Variants in CRTC3 observed in about 807,000 individuals in gnomAD.
The protein encoded by CRTC3 is CREB regulated transcription coactivator 3.
In CRTC3, 26 loss-of-function variants were observed where a neutral mutation model predicts 74.5. That is an observed-to-expected ratio of 0.35 (90% confidence interval 0.26 to 0.48). CRTC3 has a LOEUF of 0.48. CRTC3 is among the 20% of genes least tolerant of loss of function. CRTC3 has a pLI of 0.99. For missense variants in CRTC3, 760 were observed against 787.3 expected, an observed-to-expected ratio of 0.97 and a Z score of 0.41; for synonymous variants, 377 against 325.8, an observed-to-expected ratio of 1.16 and a Z score of -1.69.
At position 90,636,076 on chromosome 15, in the gene CRTC3, C is replaced by T. The variant is rs1164032241; in HGVS notation, c.1267-2370C>T. 2.2e-5 allele frequency among the ~76,000 whole-genome samples: 3 copies of T among 133,786 alleles called. No individual in the cohort carries two copies. In the Admixed American group the frequency reaches 2.3e-4, roughly 10 times the overall value. 87.8% of individuals were successfully genotyped at this position (133,786 alleles called of 152,430 possible). A position where few individuals can be genotyped will look rare whatever the true frequency, so the allele number is the denominator to read the frequency against. On this transcript the variant is annotated intron_variant, in intron 11 of 14. Transcript: ENST00000268184. Reference sequence around the variant, plus strand: ...AACTACTTTAAAGTTCATATGGAACCGAAAAAGAGCCCACATTGCCAAGTC... The same window carrying T: ...AACTACTTTAAAGTTCATATGGAACTGAAAAAGAGCCCACATTGCCAAGTC...
intron 5 of CRTC3, among the ~76,000 whole-genome samples, chr15:90,605,335 C>G (rs903136324): frequency 7.9e-5 from 12 of 152,166 alleles, no homozygotes; most frequent in African/African-American, 2.9e-4. Flanking sequence ...TGGTGCCCAT[C>G]CTCAGCTTCA....
chr15:90,602,172 A>T (rs1458497101), intron 3 of CRTC3, 152 bp from the exon 4 acceptor site: 1 of 619,428 alleles, frequency 1.6e-6, no homozygotes. Flanking sequence ...CTTGTCCTCA[A>T]GGAGGGAGAT....
chr15:90,643,681 CT>C lies in CRTC3; in HGVS notation c.*1543del, dbSNP rs1969529408. ...TTCCACCACCGCCTGCCTCCTCTAA[CT>C]TGGGTGATGCCAGTAGGTTTGAAGG... On this transcript the variant is annotated 3_prime_UTR_variant, in exon 15 of 15. Coordinates refer to ENST00000268184, the MANE Select transcript of CRTC3 (RefSeq NM_022769.5). 4.3e-6 allele frequency: 1 copy of C among 230,236 alleles called. No individual in the cohort carries two copies. The highest frequency in any genetic ancestry group is 2.3e-5 in the African/African-American group (1 of 43,636). The allele number at this position is 230,236 out of a possible 1,614,324, so 14.3% of individuals were successfully genotyped here. A position where few individuals can be genotyped will look rare whatever the true frequency, so the allele number is the denominator to read the frequency against.
rs559090116 is a variant in CRTC3 at position 90,533,296 on chromosome 15, C to CGGGAGGCTGCGGCAGGA, written c.132+3112_132+3128dup. Among the ~76,000 whole-genome samples the CGGGAGGCTGCGGCAGGA allele has an allele frequency of 4.0e-3, 610 of 150,932 alleles. 2 individuals are homozygous for CGGGAGGCTGCGGCAGGA. The highest frequency in any genetic ancestry group is 0.014 in the African/African-American group (570 of 41,050). ...GCGGGCGCCTGTAGTCCCAGCTACT[C>CGGGAGGCTGCGGCAGGA]GGGAGGCTGCGGCAGGAGGGAGGCT... On this transcript the variant is annotated intron_variant, in intron 1 of 14. Transcript: ENST00000268184.
At chr15:90,605,645 G>A (rs1968197949) in intron 5 of CRTC3, among the ~76,000 whole-genome samples, 1 of 152,134 alleles carries the variant, frequency 6.6e-6, no homozygotes, top group African/African-American at 2.4e-5. Flanking sequence ...AGGTCTCTCT[G>A]ATCTCAGCGG....
chr15:90,603,312 A>T (rs6496708), intron 4 of CRTC3, among the ~76,000 whole-genome samples: 1 of 147,320 alleles, frequency 6.8e-6, no homozygotes, highest in African/African-American at 2.5e-5. Flanking sequence ...GCGTGGTGGC[A>T]GGCGCCTGTA....
chr15:90,641,193 C>T lies in CRTC3; in HGVS notation c.1645C>T (p.Leu549=), dbSNP rs144135182. 5 of 1,609,202 alleles carry T rather than the reference C, an allele frequency of 3.1e-6. No homozygotes were observed. The East Asian group carries it at 6.7e-5, about 22-fold the overall frequency. Residue 549 remains leucine, a synonymous_variant, in exon 14 of 15, where the codon CTG becomes TTG. Transcript: ENST00000268184. The stretch of plus-strand genomic sequence containing the variant: ...CTGCGGGAGTCTCCCGAACACCATC[C>T]TGCCAGGTGAGCGAGCTATCCCTCA... ...SNCGSLPNTI[L]PEDSSTSLFK... is the part of the protein sequence containing the mutation.
intron 5 of CRTC3, among the ~76,000 whole-genome samples, 170 bp from the exon 6 acceptor site, chr15:90,607,208 G>T (rs994439224): frequency 6.6e-6 from 1 of 152,184 alleles, no homozygotes; most frequent in African/African-American, 2.4e-5. Context: ...GATCCTCAGA[G>T]GCTGTTAATT....
At position 90,612,073 on chromosome 15, in the gene CRTC3, T is replaced by TCCTCCTCCG. The variant is rs1252006809; in HGVS notation, c.578-2371_578-2363dup. Reference sequence around the variant, plus strand: ...CTCCTCCTCCGCCTCCACCTCCTCCTCCTCCTCCGCCTCCTCCTCCGCCTC... The same window carrying TCCTCCTCCG: ...CTCCTCCTCCGCCTCCACCTCCTCCTCCTCCTCCGCCTCCTCCGCCTCCTCCTCCGCCTC... On this transcript the variant is annotated intron_variant, in intron 6 of 14. Transcript: ENST00000268184. Among the ~76,000 whole-genome samples the TCCTCCTCCG allele has an allele frequency of 8.8e-5, 7 of 79,290 alleles. No individual in the cohort carries two copies. The Admixed American group carries it at 1.1e-3, about 13-fold the overall frequency. The allele number at this position is 79,290 out of a possible 152,430, so 52.0% of individuals were successfully genotyped here. A position where few individuals can be genotyped will look rare whatever the true frequency, so the allele number is the denominator to read the frequency against.
intron 6 of CRTC3, among the ~76,000 whole-genome samples, chr15:90,608,783 A>G (rs940207655): frequency 2.0e-5 from 3 of 152,170 alleles, no homozygotes; most frequent in African/African-American, 7.2e-5. Flanking sequence ...TGTGCACGGC[A>G]TTTGCCAAAA....
At position 90,645,208 on chromosome 15, in the gene CRTC3, G is replaced by C. The variant is rs1437046850; in HGVS notation, c.*3068G>C. 9 of 229,430 alleles carry C rather than the reference G, an allele frequency of 3.9e-5. No individual in the cohort carries two copies. The East Asian group carries it at 5.6e-4, about 14-fold the overall frequency. The allele number at this position is 229,430 out of a possible 1,614,324, so 14.2% of individuals were successfully genotyped here. A position where few individuals can be genotyped will look rare whatever the true frequency, so the allele number is the denominator to read the frequency against. On this transcript the variant is annotated 3_prime_UTR_variant, in exon 15 of 15. Transcript: ENST00000268184. ...ATCCCAGCAACTAATCAGACTTCCT[G>C]CCAGTGTCCTAACCCCCAGGGCACC...
intron 9 of CRTC3, 197 bp downstream of exon 9, chr15:90,619,987 TATA>T: frequency 1.8e-6 from 1 of 569,460 alleles, no homozygotes; most frequent in South Asian, 2.3e-5. Flanking sequence ...ATTACATGAC[TATA>T]ATAACAAACA....
intron 2 of CRTC3, among the ~76,000 whole-genome samples, chr15:90,578,958 G>A (rs1400754825): frequency 6.6e-6 from 1 of 152,128 alleles, no homozygotes; most frequent in Admixed American, 6.5e-5. Context: ...CTTGCTGTGT[G>A]CCTGTGAGGT....
chr15:90,533,422 GAA>G (rs11370876), intron 1 of CRTC3, among the ~76,000 whole-genome samples: 14 of 138,852 alleles, frequency 1.0e-4, no homozygotes, highest in South Asian at 2.3e-4. Flanking sequence ...CTCCGCCTAG[GAA>G]AAAAAAAAAA....
intron 2 of CRTC3, among the ~76,000 whole-genome samples, chr15:90,587,131 C>T (rs566915424): frequency 2.0e-5 from 3 of 152,234 alleles, no homozygotes; most frequent in South Asian, 2.1e-4. Context: ...GAAGTAATTT[C>T]CCCCCTAGGT....
chr15:90,613,268 C>T (rs952307230), intron 6 of CRTC3, among the ~76,000 whole-genome samples: 1 of 151,902 alleles, frequency 6.6e-6, no homozygotes, highest in African/African-American at 2.4e-5. Flanking sequence ...GGGTTGGGCC[C>T]AAGAATCTGC....
In CRTC3 at chr15:90,555,594, C is replaced by T. The variant is rs568976305; in HGVS notation, c.231+15457C>T. Among the ~76,000 whole-genome samples, 5 of 152,096 alleles carry T rather than the reference C, an allele frequency of 3.3e-5. No homozygotes were observed. The South Asian group carries it at 6.2e-4, about 19-fold the overall frequency. ...GTGCAGTGGCATGATCTTGGCTAAC[C>T]GCAACCTCTGCCTCCCAAGTTCAAG... On this transcript the variant is annotated intron_variant, in intron 2 of 14. Transcript: ENST00000268184.
At chr15:90,622,544 T>G (rs1445179059) in intron 9 of CRTC3, among the ~76,000 whole-genome samples, 1 of 152,184 alleles carries the variant, frequency 6.6e-6, no homozygotes, top group Admixed American at 6.5e-5. Context: ...AGTTCCATAC[T>G]TCCAGCCATC....
intron 2 of CRTC3, among the ~76,000 whole-genome samples, chr15:90,573,272 A>G (rs779504259): frequency 2.0e-5 from 3 of 152,192 alleles, no homozygotes; most frequent in Non-Finnish European, 4.4e-5. Context: ...GGTGGACATC[A>G]TTGTGGGATA....
Sources: gnomAD v4.1 joint callset for allele counts (sites outside exome capture counted in the v4.1 genomes callset) on GRCh38, gnomAD v4.1.1 for gene constraint, MANE v1.5 for transcripts, NCBI Gene and HGNC (gene_info 2026-07-23, HGNC 2026-07-21) for gene names.